PNLDC1: variants seen among roughly 807,000 people sequenced by gnomAD.
The protein encoded by PNLDC1 is poly(A)-specific ribonuclease PNLDC1.
PNLDC1 carries 70 observed loss-of-function variants against 82.0 expected under a neutral mutation model. The ratio of observed to expected loss-of-function variants is 0.85; its 90% CI spans 0.70 to 1.04. The LOEUF is 1.04. Among genes scored for constraint, PNLDC1 ranks in the 50% least tolerant of loss-of-function variants. The probability of loss-of-function intolerance (pLI) is 0.00; values close to 1 mark genes in which losing one functional copy is unlikely to be tolerated. For missense variants in PNLDC1, 631 were observed against 661.1 expected (o/e 0.95, Z 0.50); for synonymous variants, 280 against 249.3 (o/e 1.12, Z -1.16).
upstream of PNLDC1, among the ~76,000 whole-genome samples, chr6:159,799,906 G>T (rs1781170274): frequency 6.6e-6 from 1 of 152,172 alleles, no homozygotes; most frequent in Non-Finnish European, 1.5e-5. Context: ...CGCAGCAAAG[G>T]ATCTGCTTAT....
chr6:159,808,484 A>G (rs771098377), intron 7 of PNLDC1, among the ~76,000 whole-genome samples: 1 of 152,054 alleles, frequency 6.6e-6, no homozygotes, highest in Non-Finnish European at 1.5e-5. Context: ...TAACTCACAT[A>G]AACACAAGCT....
At chr6:159,807,918 T>C (rs553462758) in intron 7 of PNLDC1, among the ~76,000 whole-genome samples, 1,732 of 150,530 alleles carry the variant, frequency 0.012, 16 homozygotes, top group Middle Eastern at 0.062. Flanking sequence ...ATTTTTTTTT[T>C]CTTTTTTTTT....
At chr6:159,801,209 G>C in intron 3 of PNLDC1, 23 bp downstream of exon 3, 1 of 1,602,168 alleles carries the variant, frequency 6.2e-7, no homozygotes, top group Non-Finnish European at 8.6e-7. Flanking sequence ...TCAGCTGTTA[G>C]AGTTTTTCAA....
intron 15 of PNLDC1, 26 bp from the exon 16 acceptor site, chr6:159,818,529 A>G: frequency 6.2e-7 from 1 of 1,602,848 alleles, no homozygotes; most frequent in Non-Finnish European, 8.5e-7. Flanking sequence ...TGCGCCCGAC[A>G]GCTTTGGGGT....
At chr6:159,800,443 A>G (rs733319) in intron 1 of PNLDC1, 60 bp downstream of exon 1, 1,203,628 of 1,515,908 alleles carry the variant, frequency 0.79, 479,564 homozygotes, top group Admixed American at 0.86. Flanking sequence ...GGCGAGCTTG[A>G]GGAGGGGGTG....
At chr6:159,803,562 C>T (rs1055239951) in intron 4 of PNLDC1, among the ~76,000 whole-genome samples, 9 of 152,206 alleles carry the variant, frequency 5.9e-5, no homozygotes, top group Admixed American at 3.9e-4. Flanking sequence ...CCATTGTCTC[C>T]AGTGTGCACC....
At position 159,818,639 on chromosome 6, in the gene PNLDC1, G is replaced by T. The variant is rs139683511; in HGVS notation, c.1242G>T (p.Ala414=). The change falls in exon 16 of 19, where the codon GCG becomes GCT. Residue 414 remains alanine (A), a synonymous_variant. Coordinates refer to ENST00000392167, the MANE Select transcript of PNLDC1 (RefSeq NM_001271862.2). Reference sequence around the variant, plus strand: ...TGAACCAAGTGAACCTCATCCGAGCGGGGGTCCCAAAGATCGTGAGTAGAT... The same window carrying T: ...TGAACCAAGTGAACCTCATCCGAGCTGGGGTCCCAAAGATCGTGAGTAGAT... ...PYVNQVNLIR[A]GVPKINFSGP... 8.7e-6 allele frequency: 14 copies of T among 1,613,596 alleles called. No homozygotes were observed. The highest frequency in any genetic ancestry group is 1.2e-5 in the Non-Finnish European group (14 of 1,179,846).
In PNLDC1 at chr6:159,810,072, A is replaced by G; in HGVS notation, c.830A>G (p.Glu277Gly). ...ATGATGGACCTGCTGCACCTCCATG[A>G]GAAGTTCTTCAGACCCCTCCCAGGT... ...NMMMDLLHLH[E>G]KFFRPLPESY... The change falls in exon 10 of 19, where the codon GAG (glutamate) becomes GGG (glycine). Residue 277 changes from glutamate (E) to glycine (G), a missense_variant. Transcript: ENST00000392167. 1.2e-6 allele frequency: 2 copies of G among 1,614,138 alleles called. No individual in the cohort carries two copies. The highest frequency in any genetic ancestry group is 1.7e-6 in the Non-Finnish European group (2 of 1,179,992).
chr6:159,813,645 A>G lies in PNLDC1; in HGVS notation c.984A>G (p.Glu328=), dbSNP rs780242385. The G allele has an allele frequency of 6.2e-7, 1 of 1,613,922 alleles. No homozygotes were observed. Among genetic ancestry groups the G allele is most frequent in the Non-Finnish European group, 8.5e-7 (1 of 1,179,788 alleles). ...TGTCGAATCTTTCGGAAGTCTATGA[A>G]GTCCTGAACAGGTGAGGACGGCGAT... ...PRVSNLSEVY[E]VLNSDLNPTK... The change falls in exon 12 of 19, where the codon GAA becomes GAG. Residue 328 remains glutamate (E), a synonymous_variant. Transcript: ENST00000392167.
chr6:159,800,857 A>G (rs1019235766), intron 2 of PNLDC1, 28 bp downstream of exon 2: 4 of 1,613,824 alleles, frequency 2.5e-6, no homozygotes, highest in East Asian at 4.5e-5. Flanking sequence ...TCCCCTCTGT[A>G]TAAGAGCCTG....
At chr6:159,800,679 G>A (rs1781210661) in intron 1 of PNLDC1, 93 bp from the exon 2 acceptor site, 1 of 1,613,908 alleles carries the variant, frequency 6.2e-7, no homozygotes, top group Non-Finnish European at 8.5e-7. Context: ...GCAGAGGTGA[G>A]CGCGGGTGCC....
chr6:159,810,763 G>A (rs528069035), intron 10 of PNLDC1, among the ~76,000 whole-genome samples: 63 of 152,268 alleles, frequency 4.1e-4, no homozygotes, highest in African/African-American at 1.5e-3. Flanking sequence ...ATTAATAAAC[G>A]TACAAAGAAC....
At chr6:159,806,486 C>A (rs1346036062) in intron 7 of PNLDC1, among the ~76,000 whole-genome samples, 1 of 152,160 alleles carries the variant, frequency 6.6e-6, no homozygotes, top group Non-Finnish European at 1.5e-5. Context: ...TCTCTGGGAC[C>A]CTTTCCAATG....
At chr6:159,809,296 C>T in intron 9 of PNLDC1, 138 bp downstream of exon 9, 1 of 1,172,786 alleles carries the variant, frequency 8.5e-7, no homozygotes, top group Non-Finnish European at 1.2e-6. Context: ...TCATGTTTTA[C>T]TTTCAGATAG....
chr6:159,799,779 G>A (rs1175525794), upstream of PNLDC1, among the ~76,000 whole-genome samples: 1 of 152,194 alleles, frequency 6.6e-6, no homozygotes, highest in Non-Finnish European at 1.5e-5. Flanking sequence ...GAAGACAGTG[G>A]TAAGGTGGAC....
rs145371225 is a variant in PNLDC1 at position 159,819,335 on chromosome 6, C to T, written c.1515C>T (p.Asn505=). ...ACCGCTACTGGAGGCACTCCCCAAA[C>T]GTCAACTGCCTGCTCCAGTAAGTGA... ...SLYRYWRHSP[N]VNCLLQVCGI... The change falls in exon 18 of 19, where the codon AAC becomes AAT. Residue 505 remains asparagine (N), a synonymous_variant. Coordinates refer to ENST00000392167, the MANE Select transcript of PNLDC1 (RefSeq NM_001271862.2). This position sits in a 1 kb window ranked among gnomAD's most constrained non-coding sequence, Gnocchi z 4.6. 210 of 1,613,800 alleles carry T rather than the reference C, an allele frequency of 1.3e-4. No homozygotes were observed. The highest frequency in any genetic ancestry group is 1.2e-3 in the East Asian group (52 of 44,872).
In PNLDC1 at chr6:159,820,668, A is replaced by G. The variant is rs1488230831; in HGVS notation, c.*151A>G. 2.8e-6 allele frequency: 2 copies of G among 703,112 alleles called. No homozygotes were observed. The highest frequency in any genetic ancestry group is 4.9e-6 in the Non-Finnish European group (2 of 404,562). The allele number at this position is 703,112 out of a possible 1,614,324, so 43.6% of individuals were successfully genotyped here. A position where few individuals can be genotyped will look rare whatever the true frequency, so the allele number is the denominator to read the frequency against. On this transcript the variant is annotated 3_prime_UTR_variant, in exon 19 of 19. Coordinates refer to ENST00000392167, the MANE Select transcript of PNLDC1 (RefSeq NM_001271862.2). The stretch of plus-strand genomic sequence containing the variant: ...TATGTCCTGAACGTGAAATTCTGTC[A>G]ACACTCTCAATGATAAATCAGTCCT...
At chr6:159,820,232 C>T (rs1781992011) in intron 18 of PNLDC1, among the ~76,000 whole-genome samples, 2 of 152,200 alleles carry the variant, frequency 1.3e-5, no homozygotes, top group African/African-American at 2.4e-5. Context: ...GCTGAGGAAG[C>T]ACAGTGAGCT....
chr6:159,804,798 C>T (rs1781389412), intron 6 of PNLDC1, among the ~76,000 whole-genome samples, 161 bp downstream of exon 6: 1 of 152,218 alleles, frequency 6.6e-6, no homozygotes, highest in African/African-American at 2.4e-5. Context: ...CCCTGTGCCC[C>T]AACTGAGAAT....
Sources: allele counts gnomAD v4.1 joint callset (sites outside exome capture counted in the v4.1 genomes callset), GRCh38; gene constraint gnomAD v4.1.1; non-coding constraint Gnocchi (gnomAD v3.1); transcripts MANE v1.5; gene names NCBI Gene and HGNC (gene_info 2026-07-23, HGNC 2026-07-21).